Variants in RPS6KC1 observed in about 807,000 individuals in gnomAD.
RPS6KC1 encodes the protein inactive ribosomal protein S6 kinase delta-1.
Under a neutral mutation model 103.8 loss-of-function variants are expected in RPS6KC1, and 54 were observed. The observed-to-expected ratio is 0.52, with a 90% CI of 0.42 to 0.65. RPS6KC1 has a LOEUF of 0.65. Ranked by LOEUF, RPS6KC1 falls within the 30% of genes least tolerant of loss-of-function variation. RPS6KC1 has a pLI of 0.00. For missense variants in RPS6KC1, 1,151 were observed against 1,253.8 expected (o/e 0.92, Z 1.24); for synonymous variants, 439 against 438.7 (o/e 1.00, Z -0.01).
chr1:213,231,129 C>T (rs1343239677), intron 9 of RPS6KC1, among the ~76,000 whole-genome samples: 1 of 152,014 alleles, frequency 6.6e-6, no homozygotes, highest in Admixed American at 6.6e-5. Context: ...ACTGAAGAAC[C>T]ATTTTGTGTT....
the RPS6KC1 span, among the ~76,000 whole-genome samples, chr1:213,412,906 C>G: frequency 6.6e-6 from 1 of 152,244 alleles, no homozygotes; most frequent in Non-Finnish European, 1.5e-5. Context: ...CCACAGTGCT[C>G]TTTCTCCATA....
At chr1:213,498,772 AT>A in the RPS6KC1 span, among the ~76,000 whole-genome samples, 3,702 of 111,946 alleles carry the variant, frequency 0.033, 111 homozygotes, top group African/African-American at 0.11. Context: ...GTTTTCTAAG[AT>A]TTTTTTTTTT....
At chr1:213,662,560 G>A in the RPS6KC1 span, among the ~76,000 whole-genome samples, 2 of 151,790 alleles carry the variant, frequency 1.3e-5, no homozygotes, top group Non-Finnish European at 2.9e-5. Context: ...TTACAGGCGT[G>A]AGCCACTGCA....
the RPS6KC1 span, among the ~76,000 whole-genome samples, chr1:213,630,393 C>G: frequency 6.6e-6 from 1 of 152,194 alleles, no homozygotes; most frequent in Non-Finnish European, 1.5e-5. Flanking sequence ...CTTCTGCATT[C>G]GTCATGTAGT....
chr1:213,486,304 G>C, the RPS6KC1 span, among the ~76,000 whole-genome samples: 1 of 152,150 alleles, frequency 6.6e-6, no homozygotes. Context: ...AATATGTACA[G>C]ATCTTTACAT....
chr1:213,821,442 A>G, the RPS6KC1 span: 1 of 151,802 alleles, frequency 6.6e-6, no homozygotes, highest in African/African-American at 2.4e-5. Context: ...TCAGCTCCAC[A>G]GTAATGCTCT....
chr1:213,749,772 T>C, the RPS6KC1 span, among the ~76,000 whole-genome samples: 1 of 151,998 alleles, frequency 6.6e-6, no homozygotes, highest in East Asian at 1.9e-4. Context: ...AGGGGACAAC[T>C]TCAGGAGAGG....
At chr1:213,687,306 A>G in the RPS6KC1 span, among the ~76,000 whole-genome samples, 2 of 152,202 alleles carry the variant, frequency 1.3e-5, no homozygotes, top group African/African-American at 4.8e-5. Flanking sequence ...AGAGGCTTAA[A>G]TAACACAGAA....
chr1:213,668,913 C>A, the RPS6KC1 span, among the ~76,000 whole-genome samples: 1 of 152,222 alleles, frequency 6.6e-6, no homozygotes. Flanking sequence ...TTTTCTTCTG[C>A]AGCTTCCTCA....
the RPS6KC1 span, among the ~76,000 whole-genome samples, chr1:213,486,861 G>C: frequency 2.0e-5 from 3 of 152,204 alleles, no homozygotes; most frequent in African/African-American, 7.2e-5. Context: ...CAGATTCTGT[G>C]TTCAAACCCT....
chr1:213,452,486 A>T, the RPS6KC1 span, among the ~76,000 whole-genome samples: 1 of 152,074 alleles, frequency 6.6e-6, no homozygotes, highest in South Asian at 2.1e-4. Context: ...TGTTATTCAA[A>T]TTCTTATTGC....
At chr1:213,648,223 G>T in the RPS6KC1 span, among the ~76,000 whole-genome samples, 3 of 152,172 alleles carry the variant, frequency 2.0e-5, no homozygotes, top group Non-Finnish European at 4.4e-5. Context: ...TCCCACAGCA[G>T]CCTGTGAGTC....
intron 11 of RPS6KC1, 40 bp from the exon 12 acceptor site, chr1:213,242,529 G>T: frequency 6.6e-7 from 1 of 1,507,120 alleles, no homozygotes; most frequent in Non-Finnish European, 9.2e-7. Context: ...GAAAATGGAA[G>T]AGAAAAATGT....
At chr1:213,588,296 C>CTT in the RPS6KC1 span, among the ~76,000 whole-genome samples, 26 of 138,928 alleles carry the variant, frequency 1.9e-4, no homozygotes, top group East Asian at 2.1e-3. Context: ...AAACCTCTGT[C>CTT]TTTTTTTTTT....
chr1:213,777,111 G>A, the RPS6KC1 span, among the ~76,000 whole-genome samples: 4 of 152,138 alleles, frequency 2.6e-5, no homozygotes, highest in East Asian at 1.9e-4. Context: ...CAGCAATAGG[G>A]CTGTTTTGCT....
chr1:213,172,029 G>A (rs2091512824), intron 7 of RPS6KC1, among the ~76,000 whole-genome samples: 1 of 152,144 alleles, frequency 6.6e-6, no homozygotes, highest in African/African-American at 2.4e-5. Context: ...CAGGTTATTT[G>A]AGGAGTAAGT....
At chr1:213,698,825 C>G in the RPS6KC1 span, among the ~76,000 whole-genome samples, 1 of 151,834 alleles carries the variant, frequency 6.6e-6, no homozygotes, top group Admixed American at 6.6e-5. Context: ...TTTGTTTTTA[C>G]TTTTTGTTTC....
At chr1:213,442,557 C>T in the RPS6KC1 span, among the ~76,000 whole-genome samples, 1 of 152,202 alleles carries the variant, frequency 6.6e-6, no homozygotes, top group Non-Finnish European at 1.5e-5. Flanking sequence ...CCTTAGTTTC[C>T]TCATCTGTAA....
the RPS6KC1 span, among the ~76,000 whole-genome samples, chr1:213,756,588 G>T: frequency 6.6e-6 from 1 of 152,036 alleles, no homozygotes. Flanking sequence ...GGTAATTTTT[G>T]AGAATATTTG....
Sources: gnomAD v4.1 joint callset for allele counts (sites outside exome capture counted in the v4.1 genomes callset) on GRCh38, gnomAD v4.1.1 for gene constraint, MANE v1.5 for transcripts, NCBI Gene and HGNC (gene_info 2026-07-23, HGNC 2026-07-21) for gene names.